Variants in MBNL1 observed in about 807,000 individuals in gnomAD.
MBNL1 encodes the protein muscleblind-like protein 1.
A neutral mutation model predicts 42.2 loss-of-function variants in MBNL1; 8 were observed. The observed-to-expected ratio is 0.19, with a 90% confidence interval of 0.11 to 0.34. The LOEUF is 0.34. Among genes scored for constraint, MBNL1 ranks in the 10% least tolerant of loss-of-function variants. The probability of loss-of-function intolerance (pLI) is 1.00; values close to 1 mark genes in which losing one functional copy is unlikely to be tolerated. For synonymous variants in MBNL1, 169 were observed against 173.9 expected (o/e 0.97, Z 0.22); for missense variants, 309 against 495.3 (o/e 0.62, Z 3.57).
chr3:152,338,975 A>G (rs916713457), intron 2 of MBNL1, among the ~76,000 whole-genome samples: 4 of 152,182 alleles, frequency 2.6e-5, no homozygotes, highest in African/African-American at 9.6e-5. Context: ...AGTAAGAGAA[A>G]TCTTGTTGAG....
chr3:152,380,099 T>C (rs1168744901), intron 2 of MBNL1, among the ~76,000 whole-genome samples: 5 of 152,086 alleles, frequency 3.3e-5, no homozygotes, highest in Admixed American at 1.3e-4. Context: ...TGTATAACCT[T>C]GTGATGAAGA....
Position 152,447,686 on chromosome 3 carries a change from A to C in MBNL1, c.874A>C (p.Thr292Pro). The change falls in exon 6 of 10, where the codon ACC (threonine) becomes CCC (proline). Residue 292 changes from threonine (T) to proline (P), a missense_variant. Thr to Pro is a conservative substitution (Grantham distance 38, BLOSUM62 -1). Coordinates refer to ENST00000324210, the MANE Select transcript of MBNL1 (RefSeq NM_021038.5). ...TGCTCTTGAAAAAACCAACGGTGCC[A>C]CCGCAGTCTTTAACACTGGTATTTT... ...RPALEKTNGA[T>P]AVFNTGIFQY... 1 of 1,613,958 alleles carries C rather than the reference A, an allele frequency of 6.2e-7. No homozygotes were observed. The highest frequency in any genetic ancestry group is 8.5e-7 in the Non-Finnish European group (1 of 1,179,856).
intron 6 of MBNL1, among the ~76,000 whole-genome samples, chr3:152,449,813 C>T (rs949431939): frequency 5.9e-5 from 9 of 152,064 alleles, no homozygotes; most frequent in Non-Finnish European, 1.0e-4. Flanking sequence ...ATCAATATTT[C>T]TCAAATATTG....
intron 1 of MBNL1, among the ~76,000 whole-genome samples, chr3:152,275,525 A>G (rs1189779777): frequency 6.6e-6 from 1 of 152,116 alleles, no homozygotes; most frequent in Non-Finnish European, 1.5e-5. Context: ...CTTGGCCAAC[A>G]TGGTGAAACC....
chr3:152,245,068 G>T (rs2032582063), intron 2 of MBNL1, among the ~76,000 whole-genome samples: 1 of 151,958 alleles, frequency 6.6e-6, no homozygotes, highest in South Asian at 2.1e-4. Flanking sequence ...TTCTAAATAA[G>T]TTTAATTTGT....
intron 1 of MBNL1, among the ~76,000 whole-genome samples, chr3:152,277,869 C>A (rs111983494): frequency 1.0e-3 from 155 of 152,016 alleles, no homozygotes; most frequent in African/African-American, 3.6e-3. Flanking sequence ...TTGCCCGTGT[C>A]CATAAAAATA....
intron 1 of MBNL1, among the ~76,000 whole-genome samples, chr3:152,289,123 A>C (rs2054348859): frequency 1.3e-5 from 2 of 152,142 alleles, no homozygotes; most frequent in Non-Finnish European, 2.9e-5. Context: ...TACATATATG[A>C]ATACACTTCA....
intron 2 of MBNL1, among the ~76,000 whole-genome samples, chr3:152,327,783 A>G (rs1053168480): frequency 3.3e-5 from 5 of 151,688 alleles, no homozygotes; most frequent in Non-Finnish European, 5.9e-5. Flanking sequence ...TTTTCTATAT[A>G]TATATATGCT....
chr3:152,290,442 TGA>T (rs1314583257), intron 1 of MBNL1, among the ~76,000 whole-genome samples: 1 of 152,030 alleles, frequency 6.6e-6, no homozygotes, highest in Non-Finnish European at 1.5e-5. Flanking sequence ...GATTTCTGTG[TGA>T]GAGGGAAAGT....
At chr3:152,340,839 A>G in intron 2 of MBNL1, 1 of 1,613,950 alleles carries the variant, frequency 6.2e-7, no homozygotes, top group Middle Eastern at 1.7e-4. Context: ...CACCTAAAGC[A>G]GCCAGTGCTG....
chr3:152,292,788 A>G (rs1244613589), intron 1 of MBNL1, among the ~76,000 whole-genome samples: 1 of 147,938 alleles, frequency 6.8e-6, no homozygotes, highest in African/African-American at 2.5e-5. Context: ...TTTTTTTTTC[A>G]GACAGGGTCT....
intron 2 of MBNL1, among the ~76,000 whole-genome samples, chr3:152,252,130 A>ACCTTCCTTCCTTCCTTCCTT (rs1284365010): frequency 3.7e-5 from 4 of 107,700 alleles, no homozygotes; most frequent in African/African-American, 6.3e-5. Context: ...GAACAAACTA[A>ACCTTCCTTCCTTCCTTCCTT]CCTACCTTCC....
chr3:152,442,672 C>G (rs1438452578), intron 4 of MBNL1, among the ~76,000 whole-genome samples: 1 of 152,094 alleles, frequency 6.6e-6, no homozygotes, highest in Non-Finnish European at 1.5e-5. Context: ...TCAGAGAAAC[C>G]AGATCAAACT....
rs557691119 is a variant in MBNL1, at chr3:152,395,086, C to G, written c.175-19855C>G. ...ATGTTGGCCAGGATGGTCTTGATCC[C>G]CTGACCTCGTGATCCACCTGCCTCA... On this transcript the variant is annotated intron_variant, in intron 2 of 9. Coordinates refer to ENST00000324210, the MANE Select transcript of MBNL1 (RefSeq NM_021038.5). Among the ~76,000 whole-genome samples, 25 of 152,206 alleles carry G rather than the reference C, an allele frequency of 1.6e-4. 1 individual carries two copies. Among genetic ancestry groups the G allele is most frequent in the Middle Eastern group, 3.4e-3 (1 of 294 alleles).
chr3:152,259,918 C>T (rs1443162933), intron 2 of MBNL1, among the ~76,000 whole-genome samples: 2 of 152,190 alleles, frequency 1.3e-5, no homozygotes, highest in Admixed American at 1.3e-4. Flanking sequence ...GATACACACT[C>T]TCATTTTTCT....
chr3:152,289,274 A>G (rs186906183), intron 1 of MBNL1, among the ~76,000 whole-genome samples: 10 of 152,286 alleles, frequency 6.6e-5, no homozygotes, highest in East Asian at 5.8e-4. Flanking sequence ...GGAGTAATAT[A>G]TAATTGTTAA....
chr3:152,383,967 A>G (rs1232613218), intron 2 of MBNL1, among the ~76,000 whole-genome samples: 1 of 152,056 alleles, frequency 6.6e-6, no homozygotes, highest in Non-Finnish European at 1.5e-5. Flanking sequence ...TTTATTACCT[A>G]TTAGATATAT....
At chr3:152,359,908 C>G (rs2095815629) in intron 2 of MBNL1, among the ~76,000 whole-genome samples, 2 of 152,156 alleles carry the variant, frequency 1.3e-5, no homozygotes, top group African/African-American at 2.4e-5. Flanking sequence ...CTATAAAATA[C>G]AAAGCACAAT....
intron 1 of MBNL1, among the ~76,000 whole-genome samples, chr3:152,270,078 G>A (rs190966099): frequency 1.4e-3 from 215 of 152,188 alleles, no homozygotes; most frequent in African/African-American, 4.9e-3. Context: ...TGCTGCCAGA[G>A]TAATATTGTA....
Sources: gnomAD v4.1 joint callset for allele counts (sites outside exome capture counted in the v4.1 genomes callset) on GRCh38, gnomAD v4.1.1 for gene constraint, MANE v1.5 for transcripts, NCBI Gene and HGNC (gene_info 2026-07-23, HGNC 2026-07-21) for gene names.